NWD2: variants seen among roughly 807,000 people sequenced by gnomAD.
NWD2 encodes the protein NACHT and WD repeat domain-containing protein 2.
NWD2 carries 37 observed loss-of-function variants against 132.7 expected under a neutral mutation model. The observed-to-expected ratio is 0.28, with a 90% CI of 0.21 to 0.37. The LOEUF (loss-of-function observed/expected upper bound fraction) is 0.37. Among genes scored for constraint, NWD2 ranks in the 10% least tolerant of loss-of-function variants. The pLI, the probability that NWD2 is intolerant of heterozygous loss-of-function variation, is 1.00. For synonymous variants in NWD2, 705 were observed against 803.0 expected (o/e 0.88, Z 2.06); for missense variants, 1,592 against 2,122.4 (o/e 0.75, Z 4.91).
At chr4:37,373,616 A>G (rs1369440797) in intron 3 of NWD2, among the ~76,000 whole-genome samples, 1 of 152,238 alleles carries the variant, frequency 6.6e-6, no homozygotes, top group African/African-American at 2.4e-5. Flanking sequence ...TGTTTAGAAA[A>G]TTAGCAACAG....
chr4:37,312,842 G>T (rs1197119544), intron 1 of NWD2, among the ~76,000 whole-genome samples: 1 of 151,130 alleles, frequency 6.6e-6, no homozygotes, highest in Admixed American at 6.6e-5. Flanking sequence ...AGCATGAAGG[G>T]TTGTTGAATT....
At chr4:37,328,211 C>A (rs1364562015) in intron 2 of NWD2, among the ~76,000 whole-genome samples, 5 of 152,064 alleles carry the variant, frequency 3.3e-5, no homozygotes, top group Non-Finnish European at 5.9e-5. Flanking sequence ...TCCCTCAGGT[C>A]TCCACTGAAA....
At chr4:37,333,425 TAAC>T (rs1719334356) in intron 2 of NWD2, among the ~76,000 whole-genome samples, 1 of 152,166 alleles carries the variant, frequency 6.6e-6, no homozygotes, top group Admixed American at 6.5e-5. Context: ...TAAGGGAAGA[TAAC>T]AAGATCTCTG....
chr4:37,316,239 T>G (rs536898901), intron 1 of NWD2, among the ~76,000 whole-genome samples: 1 of 152,204 alleles, frequency 6.6e-6, no homozygotes, highest in Non-Finnish European at 1.5e-5. Flanking sequence ...TTTTTAAAAA[T>G]AGTTTTGTTG....
chr4:37,402,581 A>G (rs998517652), intron 3 of NWD2, among the ~76,000 whole-genome samples: 74 of 152,306 alleles, frequency 4.9e-4, no homozygotes, highest in African/African-American at 1.7e-3. Flanking sequence ...TACTTCCCCC[A>G]TATCTAGAAT....
chr4:37,308,220 A>G (rs773967731), intron 1 of NWD2, among the ~76,000 whole-genome samples: 2 of 152,166 alleles, frequency 1.3e-5, no homozygotes, highest in Non-Finnish European at 1.5e-5. Context: ...CTGGTAGAAC[A>G]GTCACGTCTT....
intron 1 of NWD2, among the ~76,000 whole-genome samples, chr4:37,273,988 A>G (rs1192706547): frequency 6.6e-6 from 1 of 152,182 alleles, no homozygotes; most frequent in Admixed American, 6.5e-5. Context: ...GGAAAGATCT[A>G]AAATTGACAC....
At chr4:37,392,511 C>T (rs975471751) in intron 3 of NWD2, among the ~76,000 whole-genome samples, 1 of 152,074 alleles carries the variant, frequency 6.6e-6, no homozygotes, top group Non-Finnish European at 1.5e-5. Flanking sequence ...CCCCTCTGCC[C>T]CCACCCCAGA....
chr4:37,431,679 TG>T (rs1712184362), intron 4 of NWD2, among the ~76,000 whole-genome samples: 1 of 152,184 alleles, frequency 6.6e-6, no homozygotes, highest in South Asian at 2.1e-4. Flanking sequence ...TTAGTTAGCT[TG>T]ATTGTGGTCA....
chr4:37,307,098 T>G (rs1044251284), intron 1 of NWD2, among the ~76,000 whole-genome samples: 1 of 152,232 alleles, frequency 6.6e-6, no homozygotes, highest in African/African-American at 2.4e-5. Flanking sequence ...TGAAATGTTC[T>G]GTAAATGTCT....
In NWD2 at chr4:37,444,263, T is replaced by C. The variant is rs11724784; in HGVS notation, c.2275T>C (p.Leu759=). The C allele has an allele frequency of 0.2, 316,317 of 1,551,426 alleles. 32,821 individuals carry two copies. The highest frequency in any genetic ancestry group is 0.24 in the South Asian group (20,492 of 84,050). The change falls in exon 7 of 7, where the codon TTA becomes CTA. Residue 759 remains leucine (L), a synonymous_variant. Coordinates refer to ENST00000309447, the MANE Select transcript of NWD2 (RefSeq NM_001144990.2). This position sits in a 1 kb window ranked among gnomAD's most constrained non-coding sequence, Gnocchi z 4.8. ...TGACCTGCGTGAAATGCACACCATC[T>C]TAGCAGATTATTTTCTGGGGGTTTG... ...DNDLREMHTI[L]ADYFLGVWSG... is the part of the protein sequence containing the mutation.
intron 1 of NWD2, among the ~76,000 whole-genome samples, chr4:37,304,743 C>T (rs2109277955): frequency 6.6e-6 from 1 of 152,330 alleles, no homozygotes; most frequent in Non-Finnish European, 1.5e-5. Flanking sequence ...TGGGCAGTTG[C>T]ACCGCTGTGG....
At chr4:37,271,092 T>C (rs1478596404) in intron 1 of NWD2, among the ~76,000 whole-genome samples, 1 of 151,860 alleles carries the variant, frequency 6.6e-6, no homozygotes, top group East Asian at 1.9e-4. Context: ...TCTTGTTCCA[T>C]TGGTCAATTG....
chr4:37,324,290 A>G lies in NWD2; in HGVS notation c.152-1646A>G, dbSNP rs78082233. 4.9e-3 allele frequency among the ~76,000 whole-genome samples: 753 copies of G among 152,268 alleles called. 5 individuals are homozygous for G. The highest frequency in any genetic ancestry group is 0.017 in the African/African-American group (723 of 41,552). On this transcript the variant is annotated intron_variant, in intron 1 of 6. Transcript: ENST00000309447. ...AAGTTTCTGTTTCTTATATTATTAC[A>G]TAATTATTTTATGTACGATTTAGAT...
Position 37,247,559 on chromosome 4 carries a change from T to A in NWD2, c.151+2341T>A, listed in dbSNP as rs139164387. Among the ~76,000 whole-genome samples, 112 of 152,332 alleles carry A rather than the reference T, an allele frequency of 7.4e-4. 1 individual carries two copies. In the East Asian group the frequency reaches 0.018, roughly 24 times the overall value. On this transcript the variant is annotated intron_variant, in intron 1 of 6. Transcript: ENST00000309447. ...AGTGCTTTACAAGGCTTGCATGGAA[T>A]TTCCCCATCGGTAACGAAGATAATA...
chr4:37,410,784 TAACA>T (rs1369915431), intron 3 of NWD2, among the ~76,000 whole-genome samples: 1 of 151,924 alleles, frequency 6.6e-6, no homozygotes, highest in Non-Finnish European at 1.5e-5. Context: ...ACAGAAATCA[TAACA>T]AACTGTCTCT....
At chr4:37,385,818 G>T (rs1487468999) in intron 3 of NWD2, among the ~76,000 whole-genome samples, 1 of 152,142 alleles carries the variant, frequency 6.6e-6, no homozygotes, top group Non-Finnish European at 1.5e-5. Context: ...TGGATTTGGG[G>T]TATTATTGAT....
chr4:37,373,617 T>C (rs755090923), intron 3 of NWD2, among the ~76,000 whole-genome samples: 1 of 152,146 alleles, frequency 6.6e-6, no homozygotes, highest in Non-Finnish European at 1.5e-5. Flanking sequence ...GTTTAGAAAA[T>C]TAGCAACAGT....
chr4:37,391,793 C>T (rs1464366918), intron 3 of NWD2, among the ~76,000 whole-genome samples: 1 of 152,200 alleles, frequency 6.6e-6, no homozygotes, highest in Non-Finnish European at 1.5e-5. Context: ...AAGTCCTGTG[C>T]CCTCCTGCCC....
Sources: gnomAD v4.1 joint callset for allele counts (sites outside exome capture counted in the v4.1 genomes callset) on GRCh38, gnomAD v4.1.1 for gene constraint, Gnocchi (gnomAD v3.1) non-coding constraint, MANE v1.5 for transcripts, NCBI Gene and HGNC (gene_info 2026-07-23, HGNC 2026-07-21) for gene names.